PTPRK: variants seen among roughly 807,000 people sequenced by gnomAD.
PTPRK encodes receptor-type tyrosine-protein phosphatase kappa.
Under a neutral mutation model 178.0 loss-of-function variants are expected in PTPRK, and 75 were observed. The ratio of observed to expected loss-of-function variants is 0.42; its 90% confidence interval spans 0.35 to 0.51. The LOEUF is 0.51. Ranked by LOEUF, PTPRK falls within the 20% of genes least tolerant of loss-of-function variation. The probability of loss-of-function intolerance (pLI) is 0.02; values close to 1 mark genes in which losing one functional copy is unlikely to be tolerated. For synonymous variants in PTPRK, 637 were observed against 620.6 expected (o/e 1.03, Z -0.39); for missense variants, 1,441 against 1,797.8 (o/e 0.80, Z 3.59).
At chr6:128,249,624 G>A (rs1457946403) in intron 3 of PTPRK, among the ~76,000 whole-genome samples, 1 of 152,106 alleles carries the variant, frequency 6.6e-6, no homozygotes, top group Non-Finnish European at 1.5e-5. Context: ...TGTAACCAGA[G>A]TAGTAAACAG....
chr6:128,117,070 C>T (rs58274350), intron 7 of PTPRK, among the ~76,000 whole-genome samples: 1 of 151,760 alleles, frequency 6.6e-6, no homozygotes, highest in Non-Finnish European at 1.5e-5. Flanking sequence ...GGCATGAACC[C>T]GGGAGGCGGA....
rs370147367 is a variant in PTPRK, at chr6:128,502,124, G to A, written c.100+18135C>T. On this transcript the variant is annotated intron_variant, in intron 1 of 29. Transcript: ENST00000368226. The stretch of plus-strand genomic sequence containing the variant: ...CTGAAAACCCACTACCTACTGTGTA[G>A]TATTTGGGAAAGATGGTGTTTAGCA... Among the ~76,000 whole-genome samples, 5 of 152,310 alleles carry A rather than the reference G, an allele frequency of 3.3e-5. No individual in the cohort carries two copies. The South Asian group carries it at 1.0e-3, about 32-fold the overall frequency.
intron 13 of PTPRK, among the ~76,000 whole-genome samples, chr6:128,060,094 G>A (rs1780561923): frequency 6.6e-6 from 1 of 152,078 alleles, no homozygotes; most frequent in Non-Finnish European, 1.5e-5. Context: ...CCAATGTGAA[G>A]TGAATTAAGA....
chr6:128,346,852 G>A (rs1330329688), intron 2 of PTPRK, among the ~76,000 whole-genome samples: 1 of 152,076 alleles, frequency 6.6e-6, no homozygotes, highest in Non-Finnish European at 1.5e-5. Flanking sequence ...CACATAGGAA[G>A]TCTACAACAA....
At chr6:128,095,817 C>T (rs1787823807) in intron 7 of PTPRK, among the ~76,000 whole-genome samples, 1 of 152,170 alleles carries the variant, frequency 6.6e-6, no homozygotes, top group African/African-American at 2.4e-5. Context: ...TTATTATACG[C>T]TCTTATCTAC....
intron 2 of PTPRK, among the ~76,000 whole-genome samples, chr6:128,393,598 T>C (rs566128634): frequency 6.6e-6 from 1 of 152,102 alleles, no homozygotes; most frequent in Admixed American, 6.5e-5. Context: ...GATTAACGAA[T>C]GGATAAGCAG....
intron 1 of PTPRK, among the ~76,000 whole-genome samples, chr6:128,447,076 G>T (rs745815483): frequency 6.6e-6 from 1 of 152,024 alleles, no homozygotes; most frequent in Non-Finnish European, 1.5e-5. Flanking sequence ...TGGTGAGGGG[G>T]TACGAAAATG....
intron 3 of PTPRK, among the ~76,000 whole-genome samples, chr6:128,284,220 A>G (rs1822111311): frequency 6.6e-6 from 1 of 152,150 alleles, no homozygotes; most frequent in Admixed American, 6.5e-5. Flanking sequence ...TTAAATGCCA[A>G]TGCCTGTGAC....
chr6:128,384,269 A>G (rs1429120379), intron 2 of PTPRK, among the ~76,000 whole-genome samples: 1 of 152,120 alleles, frequency 6.6e-6, no homozygotes. Flanking sequence ...CCTTGTCCAT[A>G]TTTTTATCAA....
Position 127,995,352 on chromosome 6 carries a change from T to C in PTPRK, c.2844+110A>G, listed in dbSNP as rs1325074435. The C allele has an allele frequency of 2.4e-5, 37 of 1,534,374 alleles. No homozygotes were observed. In the East Asian group the frequency reaches 8.2e-4, roughly 34 times the overall value. On this transcript the variant is annotated intron_variant, in intron 18 of 29. Coordinates refer to ENST00000368226, the MANE Select transcript of PTPRK (RefSeq NM_002844.4). ...ACGCAGAACAAGGAAAAGTGTACAGTTTGTACTTTTATATTTTAAAAAGCT... is the reference window on the plus strand; with the variant it reads ...ACGCAGAACAAGGAAAAGTGTACAGCTTGTACTTTTATATTTTAAAAAGCT...
intron 2 of PTPRK, among the ~76,000 whole-genome samples, chr6:128,380,691 T>A (rs1243967024): frequency 6.6e-6 from 1 of 152,050 alleles, no homozygotes; most frequent in African/African-American, 2.4e-5. Context: ...TTAATTATCA[T>A]AGTATGTAAA....
chr6:128,444,919 A>G (rs1584752495), intron 1 of PTPRK, among the ~76,000 whole-genome samples: 1 of 152,172 alleles, frequency 6.6e-6, no homozygotes, highest in African/African-American at 2.4e-5. Context: ...TGTATAAAAT[A>G]GTTCATTGGA....
At chr6:128,371,443 T>C (rs1836267579) in intron 2 of PTPRK, among the ~76,000 whole-genome samples, 1 of 152,232 alleles carries the variant, frequency 6.6e-6, no homozygotes, top group South Asian at 2.1e-4. Flanking sequence ...GTTTCAATGT[T>C]GTCATTACAG....
At position 127,983,234 on chromosome 6, in the gene PTPRK, C is replaced by G. The variant is rs1775570297; in HGVS notation, c.3387+8G>C. ...AAAAAAAAGTCCACTACAGGTAAATCTACATACCTCTGTCTGGACCATATT... is the reference window on the plus strand; with the variant it reads ...AAAAAAAAGTCCACTACAGGTAAATGTACATACCTCTGTCTGGACCATATT... On this transcript the variant is annotated splice_region_variant and intron_variant, in intron 23 of 29. Transcript: ENST00000368226. The G allele has an allele frequency of 6.3e-7, 1 of 1,593,000 alleles. No homozygotes were observed. The highest frequency in any genetic ancestry group is 1.8e-5 in the Admixed American group (1 of 56,146).
chr6:128,310,585 A>C (rs1365303119), intron 3 of PTPRK, among the ~76,000 whole-genome samples: 8 of 152,190 alleles, frequency 5.3e-5, no homozygotes, highest in Admixed American at 3.9e-4. Context: ...AAAAAGCAGA[A>C]AGGACCTTTT....
At chr6:128,242,445 A>G (rs1814638536) in intron 4 of PTPRK, 76 bp downstream of exon 4, 2 of 1,549,318 alleles carry the variant, frequency 1.3e-6, no homozygotes, top group East Asian at 2.3e-5. Context: ...CAAGTGATAA[A>G]CAATCAATAG....
intron 21 of PTPRK, among the ~76,000 whole-genome samples, chr6:127,988,385 C>A (rs151179574): frequency 2.0e-5 from 3 of 149,244 alleles, no homozygotes; most frequent in Non-Finnish European, 4.4e-5. Context: ...CTCACTGCAA[C>A]CTCTGCTTTC....
chr6:128,042,734 G>C (rs1582680560), intron 13 of PTPRK, among the ~76,000 whole-genome samples: 1 of 151,836 alleles, frequency 6.6e-6, no homozygotes, highest in Non-Finnish European at 1.5e-5. Flanking sequence ...ACATCTTTGT[G>C]GGGGGACATT....
intron 3 of PTPRK, among the ~76,000 whole-genome samples, chr6:128,253,266 T>G (rs1295242800): frequency 6.6e-6 from 1 of 152,212 alleles, no homozygotes; most frequent in Admixed American, 6.5e-5. Flanking sequence ...AAAAGTTTAC[T>G]GAAATAATCC....
Sources: allele counts gnomAD v4.1 joint callset (sites outside exome capture counted in the v4.1 genomes callset), GRCh38; gene constraint gnomAD v4.1.1; transcripts MANE v1.5; gene names NCBI Gene and HGNC (gene_info 2026-07-23, HGNC 2026-07-21).